The following PCDH11X variants were observed in gnomAD, a reference collection of about 807,000 sequenced individuals.
PCDH11X encodes the protein protocadherin-11 X-linked.
PCDH11X carries 18 observed loss-of-function variants against 53.3 expected under a neutral mutation model. The observed-to-expected ratio is 0.34, with a 90% CI of 0.23 to 0.50. The LOEUF (loss-of-function observed/expected upper bound fraction) is 0.50. Among genes scored for constraint, PCDH11X ranks in the 20% least tolerant of loss-of-function variants. The pLI, the probability that PCDH11X is intolerant of heterozygous loss-of-function variation, is 0.98. For synonymous variants in PCDH11X, 279 were observed against 393.3 expected (o/e 0.71, Z 3.44); for missense variants, 570 against 1,032.4 (o/e 0.55, Z 6.14).
At chrX:92,515,185 A>G (rs2074242511) in intron 10 of PCDH11X, 1 of 109,874 alleles carries the variant, frequency 9.1e-6, no homozygotes, top group Non-Finnish European at 1.9e-5. Context: ...TCAGGGAGAT[A>G]CATATTGAGC....
At chrX:92,215,020 C>T (rs1196044080) in intron 7 of PCDH11X, among the ~76,000 whole-genome samples, 1 of 111,736 alleles carries the variant, frequency 8.9e-6, no homozygotes, top group East Asian at 2.9e-4. Context: ...TGCACTCTAG[C>T]CCCGGCGACG....
chrX:92,002,099 A>G (rs2062520736), intron 6 of PCDH11X, among the ~76,000 whole-genome samples: 1 of 105,596 alleles, frequency 9.5e-6, no homozygotes, highest in Admixed American at 1.0e-4. Flanking sequence ...ATAGAGGTTT[A>G]GTTTCATTCT....
At chrX:91,801,757 A>G (rs776089258) in intron 1 of PCDH11X, among the ~76,000 whole-genome samples, 363 of 112,241 alleles carry the variant, frequency 3.2e-3, no homozygotes, top group Non-Finnish European at 4.9e-3. Flanking sequence ...TCAAGCTCTC[A>G]GAATGTATTA....
chrX:92,524,641 T>C (rs771801943), intron 10 of PCDH11X, among the ~76,000 whole-genome samples: 2 of 109,025 alleles, frequency 1.8e-5, no homozygotes, highest in South Asian at 8.2e-4. Flanking sequence ...TTGACCTTTT[T>C]TTTTTCTAAG....
intron 7 of PCDH11X, among the ~76,000 whole-genome samples, chrX:92,216,942 C>A: frequency 9.2e-6 from 1 of 108,769 alleles, no homozygotes; most frequent in Non-Finnish European, 1.9e-5. Flanking sequence ...ATTTCATATC[C>A]AGGCAAACTA....
chrX:92,613,545 T>TTGTG (rs201132708), intron 10 of PCDH11X, among the ~76,000 whole-genome samples: 79 of 65,526 alleles, frequency 1.2e-3, no homozygotes, highest in East Asian at 4.3e-3. Context: ...GTTGTTGTTG[T>TTGTG]TGTGTGTGTG....
chrX:92,512,694 A>AT (rs947339203), intron 10 of PCDH11X, among the ~76,000 whole-genome samples: 1 of 112,143 alleles, frequency 8.9e-6, no homozygotes, highest in African/African-American at 3.2e-5. Flanking sequence ...GGGAAGAGTA[A>AT]TTTTTTAAGT....
intron 6 of PCDH11X, among the ~76,000 whole-genome samples, chrX:92,033,102 C>T (rs1189951227): frequency 9.1e-6 from 1 of 109,438 alleles, no homozygotes; most frequent in Non-Finnish European, 1.9e-5. Flanking sequence ...TCACTGGGCC[C>T]AGCAAATGAT....
At chrX:92,308,288 G>A (rs191556173) in intron 8 of PCDH11X, among the ~76,000 whole-genome samples, 31 of 111,341 alleles carry the variant, frequency 2.8e-4, no homozygotes, top group African/African-American at 9.1e-4. Context: ...TGTGGGTGCT[G>A]GTATGAATAC....
At position 92,491,061 on chromosome X, in the gene PCDH11X, T is replaced by C. The variant is rs377019538; in HGVS notation, c.3367+22739T>C. 2.8e-5 allele frequency among the ~76,000 whole-genome samples: 3 copies of C among 105,597 alleles called. No individual in the cohort carries two copies. In the East Asian group the frequency reaches 8.8e-4, roughly 31 times the overall value. 91.7% of individuals were successfully genotyped at this position (105,597 alleles called of 115,157 possible). A position where few individuals can be genotyped will look rare whatever the true frequency, so the allele number is the denominator to read the frequency against. On this transcript the variant is annotated intron_variant, in intron 10 of 10. Transcript: ENST00000682573. ...TGGTCTGTTTTGTGATCTATTTTCA[T>C]ATGAACTGAAACAGGTCTAACTTTC...
In PCDH11X at chrX:91,960,549, C is replaced by T. The variant is rs374997558; in HGVS notation, c.3033+81276C>T. On this transcript the variant is annotated intron_variant, in intron 6 of 10. Transcript: ENST00000682573. The stretch of plus-strand genomic sequence containing the variant: ...AAGCGATTCTCCCACCTCAGCCTCC[C>T]GAATAGCTGGGATTACAGGCACCCC... Among the ~76,000 whole-genome samples, 21 of 110,577 alleles carry T rather than the reference C, an allele frequency of 1.9e-4. No homozygotes were observed. The South Asian group carries it at 6.2e-3, about 33-fold the overall frequency.
At chrX:92,327,807 C>T (rs1389871882) in intron 8 of PCDH11X, among the ~76,000 whole-genome samples, 4 of 96,775 alleles carry the variant, frequency 4.1e-5, no homozygotes, top group Non-Finnish European at 6.2e-5. Flanking sequence ...AATTAAGATG[C>T]AAAAAAAGAT....
At chrX:92,394,452 T>C (rs2071200359) in intron 9 of PCDH11X, among the ~76,000 whole-genome samples, 2 of 110,824 alleles carry the variant, frequency 1.8e-5, no homozygotes, top group African/African-American at 6.5e-5. Context: ...TCACCTAAAG[T>C]GGCAGAGAAT....
Position 92,121,981 on chromosome X carries a change from G to GTTTT in PCDH11X, c.3034-79377_3034-79374dup, listed in dbSNP as rs746833949. 9.1e-3 allele frequency among the ~76,000 whole-genome samples: 629 copies of GTTTT among 69,432 alleles called. 10 individuals are homozygous for GTTTT. The highest frequency in any genetic ancestry group is 0.032 in the African/African-American group (595 of 18,432). The allele number at this position is 69,432 out of a possible 115,157, so 60.3% of individuals were successfully genotyped here. ...AAAGAAAAAAGAAGCAGTCATTTCT[G>GTTTT]TTTTTTTTTTTTTTTTTTTTGAAAC... On this transcript the variant is annotated intron_variant, in intron 6 of 10. Transcript: ENST00000682573.
chrX:91,791,954 C>T (rs1457153125), intron 1 of PCDH11X, among the ~76,000 whole-genome samples: 8 of 106,858 alleles, frequency 7.5e-5, no homozygotes, highest in East Asian at 5.9e-4. Context: ...CTCCGCCTCC[C>T]GGGTTCACGC....
At chrX:91,959,875 G>GT (rs2061762762) in intron 6 of PCDH11X, among the ~76,000 whole-genome samples, 1 of 103,173 alleles carries the variant, frequency 9.7e-6, no homozygotes, top group Non-Finnish European at 2.0e-5. Context: ...ACTCCATATT[G>GT]TTTTTTCATA....
chrX:92,296,047 A>T lies in PCDH11X; in HGVS notation c.3144+32904A>T, dbSNP rs1267979884. ...CAGTGAGCCGAGATCGTGCCATTGC[A>T]CTCCAGTCTGGGCAACAAGAGCGAA... On this transcript the variant is annotated intron_variant, in intron 8 of 10. Coordinates refer to ENST00000682573, the MANE Select transcript of PCDH11X (RefSeq NM_032968.5). Among the ~76,000 whole-genome samples the T allele has an allele frequency of 8.4e-5, 9 of 107,578 alleles. 1 individual carries two copies. In the Admixed American group the frequency reaches 9.0e-4, roughly 11 times the overall value. 93.4% of individuals were successfully genotyped at this position (107,578 alleles called of 115,157 possible). A position where few individuals can be genotyped will look rare whatever the true frequency, so the allele number is the denominator to read the frequency against.
intron 8 of PCDH11X, among the ~76,000 whole-genome samples, chrX:92,302,164 C>A (rs1470535634): frequency 1.8e-5 from 2 of 111,332 alleles, no homozygotes; most frequent in Non-Finnish European, 3.8e-5. Flanking sequence ...TTAGCCTCGA[C>A]AACAGGAAGT....
intron 10 of PCDH11X, among the ~76,000 whole-genome samples, chrX:92,525,462 C>T (rs932769154): frequency 4.6e-5 from 5 of 108,641 alleles, no homozygotes; most frequent in South Asian, 4.0e-4. Context: ...GAAACCCCAT[C>T]GCTACTAAAA....
Sources: gnomAD v4.1 joint callset for allele counts (sites outside exome capture counted in the v4.1 genomes callset) on GRCh38, gnomAD v4.1.1 for gene constraint, MANE v1.5 for transcripts, NCBI Gene and HGNC (gene_info 2026-07-23, HGNC 2026-07-21) for gene names.